Variants in NXPE2 observed in about 807,000 individuals in gnomAD.
NXPE2 encodes NXPE family member 2.
In NXPE2, 34 loss-of-function variants were observed where a neutral mutation model predicts 34.4. The observed-to-expected ratio is 0.99, with a 90% CI of 0.75 to 1.31. NXPE2 has a LOEUF of 1.31. Among genes scored for constraint, NXPE2 ranks in the 40% most tolerant of loss-of-function variants. The probability of loss-of-function intolerance (pLI) is 0.00; values close to 1 mark genes in which losing one functional copy is unlikely to be tolerated. For missense variants in NXPE2, 649 were observed against 672.5 expected, an observed-to-expected ratio of 0.97 and a Z score of 0.39; for synonymous variants, 235 against 231.3, an observed-to-expected ratio of 1.02 and a Z score of -0.15.
the NXPE2 span, among the ~76,000 whole-genome samples, chr11:114,595,020 G>A: frequency 6.6e-6 from 1 of 152,016 alleles, no homozygotes; most frequent in Non-Finnish European, 1.5e-5. Context: ...AAGAAATCGA[G>A]CAGCTTAAGG....
the NXPE2 span, among the ~76,000 whole-genome samples, chr11:114,797,254 T>A: frequency 6.6e-6 from 1 of 152,190 alleles, no homozygotes; most frequent in Non-Finnish European, 1.5e-5. Flanking sequence ...CAGCAGACAG[T>A]GTCCCTCCTC....
chr11:114,803,531 T>C, the NXPE2 span, among the ~76,000 whole-genome samples: 1 of 151,868 alleles, frequency 6.6e-6, no homozygotes, highest in South Asian at 2.1e-4. Flanking sequence ...CTTATAGCTG[T>C]GTCATTAAAA....
At chr11:114,522,773 C>A in the NXPE2 span, 1 of 786,302 alleles carries the variant, frequency 1.3e-6, no homozygotes, top group Non-Finnish European at 2.1e-6. Context: ...TCCAGAGAGC[C>A]AAATGAAGTA....
At chr11:114,534,857 G>T in the NXPE2 span, among the ~76,000 whole-genome samples, 1 of 152,212 alleles carries the variant, frequency 6.6e-6, no homozygotes, top group Non-Finnish European at 1.5e-5. Flanking sequence ...AAAACACTCT[G>T]CAGGATATTA....
the NXPE2 span, among the ~76,000 whole-genome samples, chr11:114,615,989 G>T: frequency 6.7e-6 from 1 of 149,860 alleles, no homozygotes; most frequent in South Asian, 2.1e-4. Flanking sequence ...TCGTGGAAAA[G>T]CACTGTGACC....
chr11:114,761,792 T>G, the NXPE2 span, among the ~76,000 whole-genome samples: 1 of 151,954 alleles, frequency 6.6e-6, no homozygotes, highest in South Asian at 2.1e-4. Flanking sequence ...GCCAGGATGG[T>G]CTCGATCTCC....
chr11:114,776,389 CTGA>C, the NXPE2 span, among the ~76,000 whole-genome samples: 3 of 152,256 alleles, frequency 2.0e-5, no homozygotes, highest in African/African-American at 7.2e-5. Flanking sequence ...CCATCTGCGG[CTGA>C]TAACAGACGG....
At chr11:114,488,564 C>T in the NXPE2 span, among the ~76,000 whole-genome samples, 1 of 152,226 alleles carries the variant, frequency 6.6e-6, no homozygotes, top group Admixed American at 6.5e-5. Context: ...TCACTCAAAA[C>T]TGCTCAACTA....
the NXPE2 span, among the ~76,000 whole-genome samples, chr11:114,716,646 G>T: frequency 6.6e-6 from 1 of 152,160 alleles, no homozygotes; most frequent in African/African-American, 2.4e-5. Context: ...GCTCCGTGAT[G>T]CCCCTAATGT....
chr11:114,651,426 G>C, the NXPE2 span, among the ~76,000 whole-genome samples: 1 of 152,208 alleles, frequency 6.6e-6, no homozygotes, highest in Admixed American at 6.5e-5. Flanking sequence ...AACGTTTGCG[G>C]TGAGTGTTAC....
chr11:114,594,099 A>G, the NXPE2 span, among the ~76,000 whole-genome samples: 1 of 152,160 alleles, frequency 6.6e-6, no homozygotes, highest in African/African-American at 2.4e-5. Context: ...AGAATGAATA[A>G]GATCTAGCAT....
the NXPE2 span, among the ~76,000 whole-genome samples, chr11:114,473,909 A>T: frequency 1.3e-5 from 2 of 152,022 alleles, no homozygotes; most frequent in Admixed American, 1.3e-4. Flanking sequence ...TTGACAGAAT[A>T]TGCTGATGAC....
chr11:114,694,535 G>C (rs1180177461), intron 2 of NXPE2, among the ~76,000 whole-genome samples: 2 of 151,992 alleles, frequency 1.3e-5, no homozygotes, highest in African/African-American at 4.8e-5. Context: ...TATTTCTTCT[G>C]TTCCTTTCTC....
chr11:114,473,051 C>T, the NXPE2 span, among the ~76,000 whole-genome samples: 1 of 152,082 alleles, frequency 6.6e-6, no homozygotes, highest in Admixed American at 6.6e-5. Flanking sequence ...TAATAACAGA[C>T]AACAATTGTA....
At chr11:114,794,460 G>T in the NXPE2 span, among the ~76,000 whole-genome samples, 1 of 152,106 alleles carries the variant, frequency 6.6e-6, no homozygotes, top group East Asian at 1.9e-4. Flanking sequence ...AGTATACTGG[G>T]TGTGAATGTG....
chr11:114,794,618 G>C, the NXPE2 span, among the ~76,000 whole-genome samples: 1 of 152,144 alleles, frequency 6.6e-6, no homozygotes, highest in Non-Finnish European at 1.5e-5. Flanking sequence ...TTGGCTGCAG[G>C]GACCACAGTA....
At chr11:114,514,648 C>T in the NXPE2 span, among the ~76,000 whole-genome samples, 3,174 of 152,232 alleles carry the variant, frequency 0.021, 117 homozygotes, top group African/African-American at 0.073. Context: ...CTCAGTCTCC[C>T]AAAGTACAGG....
chr11:114,809,145 C>G, the NXPE2 span, among the ~76,000 whole-genome samples: 66 of 151,982 alleles, frequency 4.3e-4, no homozygotes, highest in South Asian at 1.3e-3. Context: ...ATTCAACAAC[C>G]CTTCATGCTA....
At chr11:114,647,319 A>G in the NXPE2 span, among the ~76,000 whole-genome samples, 1 of 152,314 alleles carries the variant, frequency 6.6e-6, no homozygotes, top group East Asian at 1.9e-4. Context: ...GCTTTGGTAT[A>G]AAGTTTTATA....
Sources: allele counts gnomAD v4.1 joint callset (sites outside exome capture counted in the v4.1 genomes callset), GRCh38; gene constraint gnomAD v4.1.1; transcripts MANE v1.5; gene names NCBI Gene and HGNC (gene_info 2026-07-23, HGNC 2026-07-21).